The following IL16 variants were observed in gnomAD, a reference collection of about 807,000 sequenced individuals.
IL16 encodes interleukin 16, also known as pro-interleukin-16.
Under a neutral mutation model 110.1 loss-of-function variants are expected in IL16, and 67 were observed. The ratio of observed to expected loss-of-function variants is 0.61; its 90% CI spans 0.50 to 0.75. The LOEUF (loss-of-function observed/expected upper bound fraction) is 0.75, where lower values mean the gene tolerates loss of function less well. Ranked by LOEUF, IL16 falls within the 30% of genes least tolerant of loss-of-function variation. The pLI, the probability that IL16 is intolerant of heterozygous loss-of-function variation, is 0.00. For synonymous variants in IL16, 689 were observed against 662.9 expected, an observed-to-expected ratio of 1.04 and a Z score of -0.61; for missense variants, 1,545 against 1,655.0, an observed-to-expected ratio of 0.93 and a Z score of 1.15.
intron 2 of IL16, among the ~76,000 whole-genome samples, chr15:81,248,262 T>C (rs1202314821): frequency 1.3e-5 from 2 of 152,144 alleles, no homozygotes; most frequent in Admixed American, 1.3e-4. Flanking sequence ...TCTGTCTATG[T>C]CTGTATCTAT....
intron 11 of IL16, 103 bp from the exon 12 acceptor site, chr15:81,292,453 G>A: frequency 6.6e-7 from 1 of 1,523,752 alleles, no homozygotes; most frequent in Non-Finnish European, 9.1e-7. Flanking sequence ...GAAGCAGATG[G>A]CCGATGTGCA....
At position 81,256,592 on chromosome 15, in the gene IL16, A is replaced by G. The variant is rs113475792; in HGVS notation, c.313-3180A>G. On this transcript the variant is annotated intron_variant, in intron 2 of 18. Transcript: ENST00000683961. ...CTCCTGAACTCCAGTGAACCCCCCA[A>G]TTTGGCCTCCCAAAGTGCAGGGATT... is the stretch of plus-strand genomic sequence containing the variant. Among the ~76,000 whole-genome samples, 1,298 of 152,048 alleles carry G rather than the reference A, an allele frequency of 8.5e-3. 12 individuals are homozygous for G. Among genetic ancestry groups the G allele is most frequent in the Middle Eastern group, 0.021 (6 of 292 alleles).
At chr15:81,294,645 C>T (rs894688010) in intron 12 of IL16, among the ~76,000 whole-genome samples, 2 of 152,148 alleles carry the variant, frequency 1.3e-5, no homozygotes, top group African/African-American at 2.4e-5. Context: ...GAGACAAGGC[C>T]GTTCTGCAGC....
In IL16 at chr15:81,239,459, G is replaced by A. The variant is rs537473932; in HGVS notation, c.312+13748G>A. Among the ~76,000 whole-genome samples, 3 of 152,296 alleles carry A rather than the reference G, an allele frequency of 2.0e-5. No homozygotes were observed. In the South Asian group the frequency reaches 6.2e-4, roughly 32 times the overall value. ...CCTGGGCTGCCTGGTACCACTGGGT[G>A]ACCATCTGCTGCTTAGGTTTGGGGA... On this transcript the variant is annotated intron_variant, in intron 2 of 18. Coordinates refer to ENST00000683961, the MANE Select transcript of IL16 (RefSeq NM_172217.5).
In IL16 at chr15:81,300,111, C is replaced by T. The variant is rs765089732; in HGVS notation, c.2785C>T (p.Pro929Ser). 3.1e-6 allele frequency: 5 copies of T among 1,590,038 alleles called. No homozygotes were observed. The Admixed American group carries it at 5.3e-5, about 17-fold the overall frequency. ...VSESPPPGRQ[P>S]NQKTLPPGPD... Reference sequence around the variant, plus strand: ...TGAGTCCCCTCCCCCAGGGCGGCAGCCCAATCAGAAAACTCTCCCCCCTGG... The same window carrying T: ...TGAGTCCCCTCCCCCAGGGCGGCAGTCCAATCAGAAAACTCTCCCCCCTGG... The change falls in exon 14 of 19, where the codon CCC becomes TCC. Residue 929 changes from proline (P) to serine (S), a missense_variant. Around this residue, in one of 3 missense-constraint regions of IL16, gnomAD observed 1,185 missense variants for 1,238.8 expected, o/e 0.96. Transcript: ENST00000683961.
chr15:81,270,752 A>C (rs1370718862), intron 5 of IL16, among the ~76,000 whole-genome samples: 1 of 152,240 alleles, frequency 6.6e-6, no homozygotes, highest in African/African-American at 2.4e-5. Context: ...GAAGATGACC[A>C]AAAATGGTTT....
intron 1 of IL16, among the ~76,000 whole-genome samples, chr15:81,209,422 G>C (rs1368483522): frequency 6.6e-6 from 1 of 152,128 alleles, no homozygotes; most frequent in Non-Finnish European, 1.5e-5. Flanking sequence ...GGAAGAATTT[G>C]CTGGAGGTGG....
intron 16 of IL16, among the ~76,000 whole-genome samples, chr15:81,305,229 A>G (rs751084747): frequency 1.3e-5 from 2 of 152,186 alleles, no homozygotes; most frequent in Non-Finnish European, 1.5e-5. Context: ...TGCATTGTAG[A>G]CCCTCTAAAT....
chr15:81,272,594 C>A (rs1482577665), intron 5 of IL16, among the ~76,000 whole-genome samples: 1 of 152,138 alleles, frequency 6.6e-6, no homozygotes, highest in Non-Finnish European at 1.5e-5. Flanking sequence ...ATTGAGAAGG[C>A]CTTTGGTGGG....
chr15:81,291,929 G>A (rs147895875), intron 11 of IL16: 8 of 455,976 alleles, frequency 1.8e-5, no homozygotes, highest in Non-Finnish European at 3.1e-5. Flanking sequence ...TACAGATGCA[G>A]AAATGGAGTT....
chr15:81,259,882 T>C lies in IL16; in HGVS notation c.421+2T>C. The C allele has an allele frequency of 6.4e-7, 1 of 1,573,110 alleles. No individual in the cohort carries two copies. The highest frequency in any genetic ancestry group is 8.8e-7 in the Non-Finnish European group (1 of 1,142,660). ...AAAGGGCACGCAGCAACTCAACCAG[T>C]AAGTGTCTTCCCAACATGTCTTCAG... On this transcript the variant is annotated splice_donor_variant, in intron 3 of 18. Transcript: ENST00000683961. LOFTEE classifies it high-confidence loss of function.
rs116773698 is a variant in IL16, at chr15:81,226,196, C to T, written c.312+485C>T. On this transcript the variant is annotated intron_variant, in intron 2 of 18. Coordinates refer to ENST00000683961, the MANE Select transcript of IL16 (RefSeq NM_172217.5). ...CTGACTGTGAACATTTTCCAGGTAC[C>T]TTCTGCCATTTTCAACATAGGTGTA... Among the ~76,000 whole-genome samples, 185 of 152,300 alleles carry T rather than the reference C, an allele frequency of 1.2e-3. 1 individual carries two copies. Among genetic ancestry groups the T allele is most frequent in the African/African-American group, 4.2e-3 (173 of 41,556 alleles).
chr15:81,202,996 G>A (rs953745610), intron 1 of IL16, among the ~76,000 whole-genome samples: 2 of 151,918 alleles, frequency 1.3e-5, no homozygotes, highest in Admixed American at 6.6e-5. Flanking sequence ...GTTGTTTCCT[G>A]ACTTTTTAAT....
At chr15:81,193,089 GC>G (rs1895523434), upstream of IL16, among the ~76,000 whole-genome samples, 2 of 152,166 alleles carry the variant, frequency 1.3e-5, no homozygotes, top group African/African-American at 4.8e-5. Flanking sequence ...CTTTTTGCCT[GC>G]CTATGATCAT....
chr15:81,212,912 C>A (rs1162164193), intron 1 of IL16, among the ~76,000 whole-genome samples: 1 of 152,002 alleles, frequency 6.6e-6, no homozygotes, highest in African/African-American at 2.4e-5. Context: ...TTATATCTTT[C>A]CTTCTGTTAG....
At chr15:81,284,789 A>C (rs901846956) in intron 9 of IL16, among the ~76,000 whole-genome samples, 2 of 152,186 alleles carry the variant, frequency 1.3e-5, no homozygotes, top group African/African-American at 4.8e-5. Context: ...TAATAAAATT[A>C]TATTGGAACA....
At chr15:81,243,165 T>TATACATATATATATATATATATATATA in intron 2 of IL16, among the ~76,000 whole-genome samples, 1 of 13,380 alleles carries the variant, frequency 7.5e-5, no homozygotes. Flanking sequence ...ATATATATAT[T>TATACATATATATATATATATATATATA]TTTTTTTTTT....
At chr15:81,202,730 G>T (rs148718025) in intron 1 of IL16, among the ~76,000 whole-genome samples, 1 of 152,124 alleles carries the variant, frequency 6.6e-6, no homozygotes, top group African/African-American at 2.4e-5. Context: ...ATCATTGTTG[G>T]ACATTTAGGT....
At chr15:81,251,941 C>T (rs191205968) in intron 2 of IL16, among the ~76,000 whole-genome samples, 45 of 151,992 alleles carry the variant, frequency 3.0e-4, no homozygotes, top group African/African-American at 9.7e-4. Flanking sequence ...TTTGGAAAAA[C>T]ACGTAAGATG....
Sources: allele counts gnomAD v4.1 joint callset (sites outside exome capture counted in the v4.1 genomes callset), GRCh38; gene constraint gnomAD v4.1.1; regional missense constraint gnomAD v4.1.1; transcripts MANE v1.5; gene names NCBI Gene and HGNC (gene_info 2026-07-23, HGNC 2026-07-21).